Variants in NDUFAF2 observed in about 807,000 individuals in gnomAD.
NDUFAF2 encodes NADH dehydrogenase [ubiquinone] 1 alpha subcomplex assembly factor 2.
NDUFAF2 carries 13 observed loss-of-function variants against 22.8 expected under a neutral mutation model. The ratio of observed to expected loss-of-function variants is 0.57; its 90% confidence interval spans 0.37 to 0.91. The LOEUF (loss-of-function observed/expected upper bound fraction) is 0.91. Among genes scored for constraint, NDUFAF2 ranks in the 40% least tolerant of loss-of-function variants. NDUFAF2 has a pLI of 0.01. For synonymous variants in NDUFAF2, 53 were observed against 64.2 expected (o/e 0.83, Z 0.84); for missense variants, 162 against 195.2 (o/e 0.83, Z 1.01).
At chr5:60,975,371 A>G (rs1197832370) in intron 1 of NDUFAF2, among the ~76,000 whole-genome samples, 1 of 152,000 alleles carries the variant, frequency 6.6e-6, no homozygotes, top group African/African-American at 2.4e-5. Flanking sequence ...ATCAGCTGAA[A>G]TGGGGAAGGC....
rs70977822 is a variant in NDUFAF2 at position 61,049,886 on chromosome 5, TAC to T, written c.128-23209_128-23208del. Among the ~76,000 whole-genome samples the T allele has an allele frequency of 3.8e-3, 553 of 144,384 alleles. 2 individuals carry two copies. The highest frequency in any genetic ancestry group is 6.9e-3 in the Middle Eastern group (2 of 288). 94.7% of individuals were successfully genotyped at this position (144,384 alleles called of 152,430 possible). On this transcript the variant is annotated intron_variant, in intron 1 of 3. Coordinates refer to ENST00000296597, the MANE Select transcript of NDUFAF2 (RefSeq NM_174889.5). ...TACACAAATTATGCAATTTAAATTA[TAC>T]ACACACACACACACACACACACACA...
chr5:60,970,655 C>T lies in NDUFAF2; in HGVS notation c.127+25273C>T, dbSNP rs563473766. Among the ~76,000 whole-genome samples, 464 of 152,224 alleles carry T rather than the reference C, an allele frequency of 3.0e-3. 1 individual carries two copies. Among genetic ancestry groups the T allele is most frequent in the African/African-American group, 0.011 (455 of 41,554 alleles). Reference sequence around the variant, plus strand: ...TCCTCTGCAAACAAGAATAATTTGACGTCTTCCTTTTCAATTTGGATGCCC... The same window carrying T: ...TCCTCTGCAAACAAGAATAATTTGATGTCTTCCTTTTCAATTTGGATGCCC... On this transcript the variant is annotated intron_variant, in intron 1 of 3. Transcript: ENST00000296597.
At chr5:61,128,506 C>G (rs1394284305) in intron 3 of NDUFAF2, among the ~76,000 whole-genome samples, 1 of 152,180 alleles carries the variant, frequency 6.6e-6, no homozygotes, top group Non-Finnish European at 1.5e-5. Flanking sequence ...ACATCTACAA[C>G]TATCTGATCT....
chr5:61,130,283 C>G (rs1306865535), intron 3 of NDUFAF2, among the ~76,000 whole-genome samples: 3 of 152,076 alleles, frequency 2.0e-5, no homozygotes, highest in Admixed American at 6.6e-5. Flanking sequence ...CAGTAGAACC[C>G]AGGGTACAAG....
At chr5:61,018,306 CT>C (rs1419708642) in intron 1 of NDUFAF2, among the ~76,000 whole-genome samples, 2 of 152,194 alleles carry the variant, frequency 1.3e-5, no homozygotes, top group African/African-American at 2.4e-5. Flanking sequence ...TTGGCAAATG[CT>C]ACAAATCAGG....
chr5:61,009,882 G>A (rs1230693938), intron 1 of NDUFAF2, among the ~76,000 whole-genome samples: 2 of 151,870 alleles, frequency 1.3e-5, no homozygotes, highest in East Asian at 1.9e-4. Flanking sequence ...AAAAAACAAA[G>A]CAAAGCAAAA....
intron 1 of NDUFAF2, among the ~76,000 whole-genome samples, chr5:61,005,368 T>C (rs905647511): frequency 6.6e-6 from 1 of 152,212 alleles, no homozygotes; most frequent in African/African-American, 2.4e-5. Context: ...TCCAAGTCTT[T>C]GCTATTGTGA....
intron 1 of NDUFAF2, among the ~76,000 whole-genome samples, chr5:61,029,954 G>A (rs1186776997): frequency 6.6e-6 from 1 of 152,002 alleles, no homozygotes; most frequent in Non-Finnish European, 1.5e-5. Context: ...TGAGAACTGG[G>A]AACTATGGTG....
intron 3 of NDUFAF2, among the ~76,000 whole-genome samples, chr5:61,143,283 A>C (rs1223698966): frequency 6.6e-6 from 1 of 152,098 alleles, no homozygotes; most frequent in Non-Finnish European, 1.5e-5. Context: ...TTTGTAGTCT[A>C]TGAAAAACAT....
At chr5:61,038,144 A>C (rs1339881942) in intron 1 of NDUFAF2, among the ~76,000 whole-genome samples, 1 of 151,620 alleles carries the variant, frequency 6.6e-6, no homozygotes, top group Non-Finnish European at 1.5e-5. Flanking sequence ...GCAATGTTAC[A>C]AACTATAACT....
At chr5:61,055,870 A>G (rs1580115469) in intron 1 of NDUFAF2, among the ~76,000 whole-genome samples, 1 of 152,130 alleles carries the variant, frequency 6.6e-6, no homozygotes, top group Non-Finnish European at 1.5e-5. Flanking sequence ...ATTTTCTTTG[A>G]GCTTTAGTTT....
At chr5:61,002,526 A>C (rs1272897613) in intron 1 of NDUFAF2, among the ~76,000 whole-genome samples, 2 of 152,152 alleles carry the variant, frequency 1.3e-5, no homozygotes, top group Admixed American at 6.6e-5. Context: ...AATTCAGTGA[A>C]GTGTTCAGCT....
chr5:61,060,130 A>T (rs1752146072), intron 1 of NDUFAF2, among the ~76,000 whole-genome samples: 1 of 152,114 alleles, frequency 6.6e-6, no homozygotes, highest in African/African-American at 2.4e-5. Flanking sequence ...TCTGTAGAAG[A>T]TTGTTTTAAA....
intron 3 of NDUFAF2, among the ~76,000 whole-genome samples, chr5:61,132,329 T>C (rs767994958): frequency 5.3e-5 from 8 of 152,216 alleles, no homozygotes; most frequent in African/African-American, 1.9e-4. Flanking sequence ...CTAGGTCTTT[T>C]GGTGGGTTCC....
In NDUFAF2 at chr5:60,986,777, A is replaced by T. The variant is rs113640627; in HGVS notation, c.127+41395A>T. Among the ~76,000 whole-genome samples, 363 of 151,948 alleles carry T rather than the reference A, an allele frequency of 2.4e-3. 8 individuals are homozygous for T. The highest frequency in any genetic ancestry group is 8.5e-3 in the African/African-American group (353 of 41,460). ...AACCCCATCTGTACTAAAAAAATAC[A>T]AAAAATAAGCCAGGCGTGGTGGCGG... On this transcript the variant is annotated intron_variant, in intron 1 of 3. Transcript: ENST00000296597.
intron 1 of NDUFAF2, among the ~76,000 whole-genome samples, chr5:61,054,837 C>T (rs1047066783): frequency 6.6e-6 from 1 of 152,192 alleles, no homozygotes; most frequent in Non-Finnish European, 1.5e-5. Flanking sequence ...AAGTAGAGAG[C>T]ATTGCTTTAA....
chr5:61,120,093 G>A (rs952842933), intron 3 of NDUFAF2, among the ~76,000 whole-genome samples: 6 of 151,982 alleles, frequency 3.9e-5, no homozygotes, highest in East Asian at 1.9e-4. Flanking sequence ...CTTAACTACC[G>A]TAATAAATAA....
chr5:60,981,925 G>A lies in NDUFAF2; in HGVS notation c.127+36543G>A, dbSNP rs569398715. ...TATGTAGAAAAATGAAACTGGACCC[G>A]TCTCTCACCATATACAAAAATGAAA... On this transcript the variant is annotated intron_variant, in intron 1 of 3. Coordinates refer to ENST00000296597, the MANE Select transcript of NDUFAF2 (RefSeq NM_174889.5). Among the ~76,000 whole-genome samples the A allele has an allele frequency of 1.4e-4, 22 of 152,136 alleles. 1 individual carries two copies. Among genetic ancestry groups the A allele is most frequent in the Admixed American group, 6.5e-4 (10 of 15,276 alleles).
intron 1 of NDUFAF2, among the ~76,000 whole-genome samples, chr5:60,971,083 C>A (rs1016609351): frequency 6.6e-6 from 1 of 150,788 alleles, no homozygotes; most frequent in Non-Finnish European, 1.5e-5. Context: ...AATTTTGGGT[C>A]ATGCTTAATG....
Sources: gnomAD v4.1 joint callset for allele counts (sites outside exome capture counted in the v4.1 genomes callset) on GRCh38, gnomAD v4.1.1 for gene constraint, MANE v1.5 for transcripts, NCBI Gene and HGNC (gene_info 2026-07-23, HGNC 2026-07-21) for gene names.